The following CLEC4F variants were observed in gnomAD, a reference collection of about 807,000 sequenced individuals.
CLEC4F encodes C-type (calcium dependent, carbohydrate-recognition domain) lectin, superfamily member 13.
CLEC4F carries 45 observed loss-of-function variants against 53.4 expected under a neutral mutation model. The ratio of observed to expected loss-of-function variants is 0.84; its 90% CI spans 0.66 to 1.08. CLEC4F has a LOEUF of 1.08. Among genes scored for constraint, CLEC4F ranks in the 50% least tolerant of loss-of-function variants. The pLI is 0.00. For missense variants in CLEC4F, 753 were observed against 698.2 expected, an observed-to-expected ratio of 1.08 and a Z score of -0.88; for synonymous variants, 245 against 257.5, an observed-to-expected ratio of 0.95 and a Z score of 0.46.
In CLEC4F at chr2:70,820,583, C is replaced by T. The variant is rs1240708412; in HGVS notation, c.-60G>A. On this transcript the variant is annotated 5_prime_UTR_variant, in exon 1 of 7. Transcript: ENST00000272367. ...CCACTGGCTCCTGGAAGGGCCGTCC[C>T]GTGGACCAATGGCAGTGGAAGCAAA... is the stretch of plus-strand genomic sequence containing the variant. The T allele has an allele frequency of 1.2e-5, 18 of 1,516,760 alleles. No homozygotes were observed. Among genetic ancestry groups the T allele is most frequent in the East Asian group, 4.9e-5 (2 of 40,792 alleles). 94.0% of individuals were successfully genotyped at this position (1,516,760 alleles called of 1,614,324 possible).
Position 70,816,642 on chromosome 2 carries a change from A to G in CLEC4F, c.739T>C (p.Leu247=). 1 of 1,614,150 alleles carries G rather than the reference A, an allele frequency of 6.2e-7. No homozygotes were observed. The highest frequency in any genetic ancestry group is 1.1e-5 in the South Asian group (1 of 91,084). ...NTQAQLANSS[L]KNANAEIYVL... ...TAGATCTCAGCATTAGCGTTCTTTA[A>G]ACTGCTATTGGCTAACTGAGCCTGG... is the stretch of plus-strand genomic sequence containing the variant. The change falls in exon 4 of 7, where the codon TTA becomes CTA. Residue 247 remains leucine (L), a synonymous_variant. Coordinates refer to ENST00000272367, the MANE Select transcript of CLEC4F (RefSeq NM_173535.3).
intron 5 of CLEC4F, chr2:70,811,357 G>T: frequency 1.1e-6 from 1 of 898,090 alleles, no homozygotes; most frequent in South Asian, 1.3e-5. Flanking sequence ...ATAGACTGTT[G>T]AGCAGCTAGT....
Position 70,812,485 on chromosome 2 carries a change from C to T in CLEC4F, c.1501G>A (p.Gly501Arg). 1 of 1,614,178 alleles carries T rather than the reference C, an allele frequency of 6.2e-7. No individual in the cohort carries two copies. The highest frequency in any genetic ancestry group is 8.5e-7 in the Non-Finnish European group (1 of 1,180,022). The change falls in exon 5 of 7, where the codon GGA becomes AGA. Residue 501 changes from glycine to arginine, a missense_variant. Coordinates refer to ENST00000272367, the MANE Select transcript of CLEC4F (RefSeq NM_173535.3). ...HEAEQFCVSQ[G>R]AHLASVASKE... ...GAGGCCACAGATGCCAGATGGGCTC[C>T]CTGGGACACGCAGAACTGCTCAGCC...
chr2:70,820,138 G>T (rs184771253), intron 1 of CLEC4F, among the ~76,000 whole-genome samples: 1 of 152,316 alleles, frequency 6.6e-6, no homozygotes, highest in East Asian at 1.9e-4. Flanking sequence ...CGAGACCACC[G>T]ATCTCCAAAT....
chr2:70,824,144 T>C (rs993990788), upstream of CLEC4F, among the ~76,000 whole-genome samples: 1 of 151,954 alleles, frequency 6.6e-6, no homozygotes, highest in Middle Eastern at 3.2e-3. Flanking sequence ...TGTTTTTTAA[T>C]CCAGGACATT....
At chr2:70,810,933 A>G (rs1676522581) in intron 5 of CLEC4F, 1 of 536,656 alleles carries the variant, frequency 1.9e-6, no homozygotes, top group Admixed American at 2.2e-5. Flanking sequence ...TTTCATTTTC[A>G]TATTCATCAA....
intron 5 of CLEC4F, 81 bp downstream of exon 5, chr2:70,812,366 T>C: frequency 6.6e-7 from 1 of 1,504,468 alleles, no homozygotes. Flanking sequence ...TCATACCCAC[T>C]GAGAGCAGGA....
upstream of CLEC4F, among the ~76,000 whole-genome samples, chr2:70,822,233 G>A (rs1677244334): frequency 6.6e-6 from 1 of 152,240 alleles, no homozygotes; most frequent in Admixed American, 6.5e-5. Context: ...GCGGGTGTCA[G>A]AGAATCGGCT....
At chr2:70,820,340 A>G in intron 1 of CLEC4F, 123 bp downstream of exon 1, 1 of 804,538 alleles carries the variant, frequency 1.2e-6, no homozygotes, top group Non-Finnish European at 1.9e-6. Flanking sequence ...CCAGGTCTGC[A>G]TCCCCAAGGA....
intron 1 of CLEC4F, 61 bp downstream of exon 1, chr2:70,820,402 G>C (rs797042068): frequency 8.8e-6 from 13 of 1,470,592 alleles, no homozygotes; most frequent in African/African-American, 2.8e-5. Flanking sequence ...TATGGCAGAG[G>C]GCCAAAGGAC....
Position 70,809,381 on chromosome 2 carries a change from G to C in CLEC4F, c.1660C>G (p.Pro554Ala). The change falls in exon 7 of 7, where the codon CCT (proline) becomes GCT (alanine). Residue 554 changes from proline to alanine, a missense_variant and splice_region_variant. Physicochemically the swap from Pro to Ala is conservative, Grantham distance 27. Transcript: ENST00000272367. Reference protein sequence around the residue: ...TPFNAAQNKAPGSKGSCPLRK... With the variant: ...TPFNAAQNKAAGSKGSCPLRK... ...AGTGGGCAGGATCCCTTGGAACCAG[G>C]CCTGAGTAGGGCAGGGGGAAAAAAA... is the stretch of plus-strand genomic sequence containing the variant. The C allele has an allele frequency of 1.2e-6, 2 of 1,606,632 alleles. No individual in the cohort carries two copies. The highest frequency in any genetic ancestry group is 1.7e-6 in the Non-Finnish European group (2 of 1,176,354).
intron 4 of CLEC4F, among the ~76,000 whole-genome samples, chr2:70,813,024 AC>A (rs140917801): frequency 0.2 from 29,976 of 152,136 alleles, 3,460 homozygotes; most frequent in Non-Finnish European, 0.26. Flanking sequence ...CCATCCTGGG[AC>A]CTGGTCATCA....
At position 70,817,052 on chromosome 2, in the gene CLEC4F, T is replaced by C; in HGVS notation, c.329A>G (p.His110Arg). 2.5e-6 allele frequency: 4 copies of C among 1,613,980 alleles called. No homozygotes were observed. The highest frequency in any genetic ancestry group is 3.4e-6 in the Non-Finnish European group (4 of 1,180,026). The change falls in exon 4 of 7, where the codon CAC becomes CGC. Residue 110 changes from histidine (H) to arginine (R), a missense_variant. Physicochemically the swap from His to Arg is conservative, Grantham distance 29. Coordinates refer to ENST00000272367, the MANE Select transcript of CLEC4F (RefSeq NM_173535.3). ...MRELIQTFKG[H>R]MENSSAWVVE... ...TACCCAGGCACTGGAATTCTCCATG[T>C]GGCCTTTAAATGTCTGGATAAGCTC...
At chr2:70,809,426 G>A (rs782102122) in intron 6 of CLEC4F, 44 bp from the exon 7 acceptor site, 3 of 1,549,826 alleles carry the variant, frequency 1.9e-6, no homozygotes, top group Non-Finnish European at 2.6e-6. Flanking sequence ...CCACTCACTG[G>A]CTGCATGCCA....
chr2:70,820,432 T>A, intron 1 of CLEC4F, 31 bp downstream of exon 1: 1 of 1,559,740 alleles, frequency 6.4e-7, no homozygotes, highest in South Asian at 1.2e-5. Flanking sequence ...ACTCCCTCAC[T>A]GGGCAAGAGC....
At position 70,820,487 on chromosome 2, in the gene CLEC4F, G is replaced by C. The variant is rs575554427; in HGVS notation, c.37C>G (p.Gln13Glu). Residue 13 changes from glutamine (Q) to glutamate (E), a missense_variant, in exon 1 of 7, where the codon CAG becomes GAG. Physicochemically the swap from Gln to Glu is conservative, Grantham distance 29. Transcript: ENST00000272367. ...GEAVRFCTDNQCVSLHPQEVD... is the reference protein window; with the variant it reads ...GEAVRFCTDNECVSLHPQEVD... Reference sequence around the variant, plus strand: ...CCTTGGGGGTGCAGGGAGACACACTGGTTATCTGTGCAGAAGCGGACTGCC... The same window carrying C: ...CCTTGGGGGTGCAGGGAGACACACTCGTTATCTGTGCAGAAGCGGACTGCC... 4.8e-5 allele frequency: 77 copies of C among 1,590,380 alleles called. 1 individual carries two copies. The South Asian group carries it at 8.7e-4, about 18-fold the overall frequency.
intron 4 of CLEC4F, among the ~76,000 whole-genome samples, chr2:70,813,067 T>A (rs1186258067): frequency 6.6e-6 from 1 of 152,184 alleles, no homozygotes; most frequent in Non-Finnish European, 1.5e-5. Flanking sequence ...TTTTTCAAAC[T>A]CTTATAGCTC....
intron 4 of CLEC4F, among the ~76,000 whole-genome samples, chr2:70,813,758 A>G (rs1219915864): frequency 6.6e-6 from 1 of 150,784 alleles, no homozygotes; most frequent in Non-Finnish European, 1.5e-5. Context: ...GCTCACTGCA[A>G]CCTCTACCTC....
intron 5 of CLEC4F, chr2:70,810,720 T>C (rs375037307): frequency 5.0e-5 from 18 of 362,748 alleles, no homozygotes; most frequent in Middle Eastern, 1.0e-3. Context: ...GATACACGAT[T>C]GATGTGTCTA....
Sources: allele counts gnomAD v4.1 joint callset (sites outside exome capture counted in the v4.1 genomes callset), GRCh38; gene constraint gnomAD v4.1.1; transcripts MANE v1.5; gene names NCBI Gene and HGNC (gene_info 2026-07-23, HGNC 2026-07-21).